TMIGD3: variants seen among roughly 807,000 people sequenced by gnomAD.
TMIGD3 encodes the protein AD026 protein (AD026).
A neutral mutation model predicts 28.1 loss-of-function variants in TMIGD3; 21 were observed. The ratio of observed to expected loss-of-function variants is 0.75; its 90% CI spans 0.53 to 1.08. The LOEUF (loss-of-function observed/expected upper bound fraction) is 1.08, where lower values mean the gene tolerates loss of function less well. Among genes scored for constraint, TMIGD3 ranks in the 50% least tolerant of loss-of-function variants. The pLI, the probability that TMIGD3 is intolerant of heterozygous loss-of-function variation, is 0.00. For synonymous variants in TMIGD3, 151 were observed against 162.1 expected, an observed-to-expected ratio of 0.93 and a Z score of 0.52; for missense variants, 416 against 435.6, an observed-to-expected ratio of 0.96 and a Z score of 0.40.
chr1:111,522,662 G>A (rs983868413), intron 1 of TMIGD3, among the ~76,000 whole-genome samples: 47 of 151,858 alleles, frequency 3.1e-4, no homozygotes, highest in African/African-American at 8.7e-4. Context: ...GATTACAGGC[G>A]CGTGCCACCA....
At chr1:111,507,962 G>A (rs1305603736), upstream of TMIGD3, among the ~76,000 whole-genome samples, 1 of 152,224 alleles carries the variant, frequency 6.6e-6, no homozygotes, top group Non-Finnish European at 1.5e-5. Flanking sequence ...CTGATCTGGA[G>A]CCTCTGTCCA....
chr1:111,563,216 G>A (rs910445281), intron 1 of TMIGD3, among the ~76,000 whole-genome samples: 3 of 152,040 alleles, frequency 2.0e-5, no homozygotes, highest in Non-Finnish European at 2.9e-5. Context: ...TTGAGGCCAC[G>A]ATGAGCCATG....
chr1:111,516,060 A>T (rs1890245), intron 1 of TMIGD3, among the ~76,000 whole-genome samples: 38,914 of 152,196 alleles, frequency 0.26, 5,974 homozygotes, highest in Admixed American at 0.43. Flanking sequence ...CAACCCCGTC[A>T]TGAGAGCAAT....
Position 111,483,773 on chromosome 1 carries a change from G to C in TMIGD3, c.974-16C>G. ...GTGTTGCCTACTTTGTTGGGGAATA[G>C]AAAGGGAAAATGGAGTTGAGATCTA... On this transcript the variant is annotated splice_polypyrimidine_tract_variant and intron_variant, in intron 5 of 5. Coordinates refer to ENST00000369716, the MANE Select transcript of TMIGD3 (RefSeq NM_020683.7). 3.1e-6 allele frequency: 5 copies of C among 1,610,750 alleles called. No homozygotes were observed. The highest frequency in any genetic ancestry group is 4.2e-6 in the Non-Finnish European group (5 of 1,177,002).
intron 1 of TMIGD3, among the ~76,000 whole-genome samples, chr1:111,545,723 C>T (rs1180526713): frequency 3.3e-5 from 5 of 152,100 alleles, no homozygotes; most frequent in African/African-American, 7.2e-5. Flanking sequence ...AGATTTACAC[C>T]TGTTTCCTTT....
chr1:111,548,160 A>G (rs1571456298), intron 1 of TMIGD3, among the ~76,000 whole-genome samples: 1 of 152,178 alleles, frequency 6.6e-6, no homozygotes, highest in East Asian at 1.9e-4. Context: ...AGCTGGAACT[A>G]CAGGCATGTG....
chr1:111,495,436 T>G (rs1319070515), intron 1 of TMIGD3, among the ~76,000 whole-genome samples: 1 of 152,192 alleles, frequency 6.6e-6, no homozygotes, highest in African/African-American at 2.4e-5. Flanking sequence ...CCAGTCAGAA[T>G]GGCTATTATG....
upstream of TMIGD3, among the ~76,000 whole-genome samples, chr1:111,507,550 A>G (rs1026608498): frequency 2.0e-5 from 3 of 152,136 alleles, no homozygotes; most frequent in African/African-American, 4.8e-5. Context: ...AAACCCTAAA[A>G]AACCCCAGTT....
In TMIGD3 at chr1:111,503,235, G is replaced by A. The variant is rs750887080; in HGVS notation, c.120C>T (p.Asn40=). The A allele has an allele frequency of 1.2e-6, 2 of 1,614,236 alleles. No individual in the cohort carries two copies. The highest frequency in any genetic ancestry group is 2.2e-5 in the East Asian group (1 of 44,888). ...AGAAGGTGGTGGTCTGCAGGCTGGG[G>A]TTCAGCTTGACCACGCAGATGACCA... is the stretch of plus-strand genomic sequence containing the variant. ...NVLVICVVKL[N]PSLQTTTFYF... is the part of the protein sequence containing the mutation. The change falls in exon 1 of 6, where the codon AAC becomes AAT. Residue 40 remains asparagine, a synonymous_variant. Transcript: ENST00000369716.
intron 1 of TMIGD3, among the ~76,000 whole-genome samples, chr1:111,513,857 A>G (rs942067062): frequency 5.9e-5 from 9 of 152,128 alleles, no homozygotes; most frequent in African/African-American, 2.2e-4. Flanking sequence ...ACAAATGACC[A>G]ACGTGAACTC....
At chr1:111,531,977 C>G (rs908236001) in intron 1 of TMIGD3, among the ~76,000 whole-genome samples, 2 of 152,124 alleles carry the variant, frequency 1.3e-5, no homozygotes, top group African/African-American at 4.8e-5. Context: ...TTAGATGCGA[C>G]TGTTGGTCTA....
chr1:111,503,067 G>A lies in TMIGD3; in HGVS notation c.288C>T (p.Ala96=), dbSNP rs76361150. 4.1e-4 allele frequency: 666 copies of A among 1,614,246 alleles called. 1 individual carries two copies. Among genetic ancestry groups the A allele is most frequent in the Non-Finnish European group, 5.3e-4 (631 of 1,180,054 alleles). Residue 96 remains alanine, a synonymous_variant, in exon 1 of 6, where the codon GCC becomes GCT. Transcript: ENST00000369716. ...CGATGGCCAGCAAGGACATGATGGA[G>A]GCGTGGGTAAAGATAAGCAGTAGGC... The part of the protein sequence containing the change: ...MTCLLLIFTH[A]SIMSLLAIAV...
intron 1 of TMIGD3, among the ~76,000 whole-genome samples, chr1:111,552,205 CCAGA>C (rs2101037038): frequency 6.6e-6 from 1 of 152,270 alleles, no homozygotes; most frequent in East Asian, 1.9e-4. Flanking sequence ...TAGGGAGTCA[CCAGA>C]CAATCAACCA....
At chr1:111,530,108 A>G (rs1485215467) in intron 1 of TMIGD3, among the ~76,000 whole-genome samples, 1 of 152,144 alleles carries the variant, frequency 6.6e-6, no homozygotes, top group Non-Finnish European at 1.5e-5. Context: ...TGAGTATTTT[A>G]AATGATTCTG....
intron 1 of TMIGD3, among the ~76,000 whole-genome samples, chr1:111,552,266 A>G (rs1657293866): frequency 6.6e-6 from 1 of 152,184 alleles, no homozygotes; most frequent in Non-Finnish European, 1.5e-5. Context: ...TTCTTCTGGT[A>G]CTGGTGCTAG....
At chr1:111,483,908 A>G (rs1654237042) in intron 5 of TMIGD3, 151 bp from the exon 6 acceptor site, 9 of 648,678 alleles carry the variant, frequency 1.4e-5, no homozygotes. Context: ...AGATATCATT[A>G]CTGCAAAGCC....
chr1:111,515,826 G>C (rs760122002), intron 1 of TMIGD3, among the ~76,000 whole-genome samples: 1 of 152,210 alleles, frequency 6.6e-6, no homozygotes, highest in African/African-American at 2.4e-5. Flanking sequence ...TGCGCCGGCC[G>C]GACGCACTCC....
intron 1 of TMIGD3, among the ~76,000 whole-genome samples, chr1:111,527,227 G>T (rs1024813001): frequency 2.0e-5 from 3 of 151,970 alleles, no homozygotes; most frequent in Non-Finnish European, 4.4e-5. Flanking sequence ...GGCCAGGCTG[G>T]TCTCGAACTC....
At chr1:111,500,735 G>A in intron 1 of TMIGD3, 2 of 627,044 alleles carry the variant, frequency 3.2e-6, no homozygotes, top group Non-Finnish European at 2.7e-6. Context: ...AAACTCCACT[G>A]GATACGAAGA....
Sources: allele counts gnomAD v4.1 joint callset (sites outside exome capture counted in the v4.1 genomes callset), GRCh38; gene constraint gnomAD v4.1.1; transcripts MANE v1.5; gene names NCBI Gene and HGNC (gene_info 2026-07-23, HGNC 2026-07-21).